SHOC1: variants seen among roughly 807,000 people sequenced by gnomAD.
SHOC1 encodes the protein protein shortage in chiasmata 1 ortholog.
SHOC1 carries 136 observed loss-of-function variants against 179.2 expected under a neutral mutation model. The ratio of observed to expected loss-of-function variants is 0.76; its 90% confidence interval spans 0.66 to 0.87. The LOEUF (loss-of-function observed/expected upper bound fraction) is 0.87, where lower values mean the gene tolerates loss of function less well. Ranked by LOEUF, SHOC1 falls within the 40% of genes least tolerant of loss-of-function variation. The pLI, the probability that SHOC1 is intolerant of heterozygous loss-of-function variation, is 0.00. For synonymous variants in SHOC1, 489 were observed against 586.6 expected (o/e 0.83, Z 2.41); for missense variants, 1,538 against 1,700.8 (o/e 0.90, Z 1.68).
chr9:111,777,908 A>C (rs1032390585), intron 4 of SHOC1, among the ~76,000 whole-genome samples: 2 of 152,220 alleles, frequency 1.3e-5, no homozygotes, highest in African/African-American at 2.4e-5. Flanking sequence ...ACAAAGTAGA[A>C]GAAAAAATAT....
intron 3 of SHOC1, 162 bp from the exon 4 acceptor site, chr9:111,781,179 C>A (rs575449903): frequency 1.7e-6 from 1 of 598,702 alleles, no homozygotes; most frequent in Non-Finnish European, 3.0e-6. Flanking sequence ...TAGTCATCCT[C>A]ATTATCATCA....
intron 17 of SHOC1, among the ~76,000 whole-genome samples, chr9:111,714,031 T>C (rs1832672187): frequency 6.6e-6 from 1 of 152,158 alleles, no homozygotes; most frequent in Non-Finnish European, 1.5e-5. Flanking sequence ...TTTATTTATT[T>C]AGAGACAGGG....
chr9:111,753,368 A>C (rs1834693638), intron 8 of SHOC1, among the ~76,000 whole-genome samples: 1 of 152,232 alleles, frequency 6.6e-6, no homozygotes, highest in South Asian at 2.1e-4. Context: ...ATAAAACTAC[A>C]GACCAATATT....
chr9:111,732,159 G>A (rs1302088546), intron 12 of SHOC1, among the ~76,000 whole-genome samples: 1 of 152,178 alleles, frequency 6.6e-6, no homozygotes. Flanking sequence ...TGTTAGCAAG[G>A]ATATGGGGTA....
rs766485682 is a variant in SHOC1 at position 111,692,222 on chromosome 9, G to A, written c.3755C>T (p.Thr1252Ile). The A allele has an allele frequency of 6.4e-5, 104 of 1,613,280 alleles. No individual in the cohort carries two copies. Among genetic ancestry groups the A allele is most frequent in the Middle Eastern group, 1.6e-4 (1 of 6,076 alleles). Residue 1252 changes from threonine (T) to isoleucine (I), a missense_variant, in exon 27 of 28, where the codon ACC becomes ATC. Coordinates refer to ENST00000682961, the MANE Select transcript of SHOC1 (RefSeq NM_001378211.1). ...FLPPVTSYNQ[T>I]SYWKDSSCKS... ...ACAGCTGGAGTCTTTCCAGTAGCTG[G>A]TCTGATTGTATGAAGTCACAGGTGG... is the stretch of plus-strand genomic sequence containing the variant.
In SHOC1 at chr9:111,727,643, A is replaced by G. The variant is rs1397506087; in HGVS notation, c.1824T>C (p.Asp608=). 3 of 1,570,808 alleles carry G rather than the reference A, an allele frequency of 1.9e-6. No individual in the cohort carries two copies. Among genetic ancestry groups the G allele is most frequent in the Non-Finnish European group, 2.6e-6 (3 of 1,162,820 alleles). The part of the protein sequence containing the change: ...CTSKTEVTNS[D]EKHDKEACSL... Reference sequence around the variant, plus strand: ...TATTAAATTACTTACCATGTTTTTCATCACTGTTTGTGACTTCAGTCTTTG... The same window carrying G: ...TATTAAATTACTTACCATGTTTTTCGTCACTGTTTGTGACTTCAGTCTTTG... Residue 608 remains aspartate, a synonymous_variant, in exon 13 of 28, where the codon GAT becomes GAC. Coordinates refer to ENST00000682961, the MANE Select transcript of SHOC1 (RefSeq NM_001378211.1).
intron 27 of SHOC1, 72 bp from the exon 28 acceptor site, chr9:111,686,942 T>A: frequency 3.7e-6 from 3 of 805,006 alleles, no homozygotes; most frequent in Non-Finnish European, 5.5e-6. Flanking sequence ...TCTTTTCCTT[T>A]TTTTTTTTTT....
intron 14 of SHOC1, among the ~76,000 whole-genome samples, chr9:111,723,278 A>G (rs1207797144): frequency 6.6e-6 from 1 of 152,210 alleles, no homozygotes; most frequent in Non-Finnish European, 1.5e-5. Context: ...CTAGAGACCA[A>G]AAGAATGAAA....
intron 5 of SHOC1, among the ~76,000 whole-genome samples, chr9:111,763,373 G>A (rs1218799878): frequency 2.6e-5 from 4 of 151,962 alleles, no homozygotes; most frequent in African/African-American, 4.8e-5. Context: ...CAAAGCACAC[G>A]CCATTGTGAA....
intron 16 of SHOC1, 24 bp downstream of exon 16, chr9:111,718,160 G>A: frequency 1.4e-6 from 2 of 1,464,948 alleles, no homozygotes; most frequent in Non-Finnish European, 1.9e-6. Context: ...GAAGAAAAGA[G>A]GAAATAAAAT....
chr9:111,691,612 A>G lies in SHOC1; in HGVS notation c.4365T>C (p.Ser1455=), dbSNP rs1831424607. The change falls in exon 27 of 28, where the codon AGT becomes AGC. Residue 1455 remains serine (S), a synonymous_variant. Coordinates refer to ENST00000682961, the MANE Select transcript of SHOC1 (RefSeq NM_001378211.1). ...SLYFYQRAGK[S]LGQKRHHESS... ...ATTCATGGTGCCTTTTCTGTCCTAA[A>G]CTTTTTCCAGCTCTTTGGTAGAAAT... 1 of 1,613,724 alleles carries G rather than the reference A, an allele frequency of 6.2e-7. No homozygotes were observed. Among genetic ancestry groups the G allele is most frequent in the African/African-American group, 1.3e-5 (1 of 74,890 alleles).
chr9:111,686,942 T>C, intron 27 of SHOC1, 72 bp from the exon 28 acceptor site: 2 of 805,016 alleles, frequency 2.5e-6, no homozygotes. Context: ...TCTTTTCCTT[T>C]TTTTTTTTTT....
chr9:111,700,620 G>A (rs760252412), intron 23 of SHOC1, among the ~76,000 whole-genome samples: 8 of 152,156 alleles, frequency 5.3e-5, no homozygotes, highest in Non-Finnish European at 8.8e-5. Context: ...GGAAGCCATT[G>A]TTGGATTCTG....
At chr9:111,743,659 C>G (rs558252389) in intron 10 of SHOC1, among the ~76,000 whole-genome samples, 10 of 152,140 alleles carry the variant, frequency 6.6e-5, no homozygotes, top group Non-Finnish European at 1.5e-4. Context: ...TACTATTTTA[C>G]TATAGTTATT....
intron 3 of SHOC1, among the ~76,000 whole-genome samples, chr9:111,781,746 A>AATTAATTAATTAATT (rs1564168991): frequency 2.9e-5 from 3 of 103,770 alleles, no homozygotes; most frequent in African/African-American, 1.0e-4. Context: ...ATAAATAAAT[A>AATTAATTAATTAATT]AATAAATTTG....
At chr9:111,780,321 C>T (rs1304207770) in intron 4 of SHOC1, among the ~76,000 whole-genome samples, 1 of 152,180 alleles carries the variant, frequency 6.6e-6, no homozygotes, top group Admixed American at 6.5e-5. Context: ...AGTGAAGCAA[C>T]AGAGTAAATT....
At position 111,775,971 on chromosome 9, in the gene SHOC1, T is replaced by A; in HGVS notation, c.262A>T (p.Thr88Ser). 6.2e-7 allele frequency: 1 copy of A among 1,611,460 alleles called. No homozygotes were observed. The highest frequency in any genetic ancestry group is 8.5e-7 in the Non-Finnish European group (1 of 1,178,618). ...FFVEDFLEKK[T>S]ITRMVTQINC... ...ATCTGGGTCACCATTCTTGTAATTGTTTTTCTGTGACAATATAAAATTACT... is the reference window on the plus strand; with the variant it reads ...ATCTGGGTCACCATTCTTGTAATTGATTTTCTGTGACAATATAAAATTACT... Residue 88 changes from threonine (T) to serine (S), a missense_variant, in exon 5 of 28, where the codon ACA becomes TCA. Coordinates refer to ENST00000682961, the MANE Select transcript of SHOC1 (RefSeq NM_001378211.1).
Position 111,785,029 on chromosome 9 carries a change from G to A in SHOC1, c.169+883C>T, listed in dbSNP as rs77150203. Among the ~76,000 whole-genome samples the A allele has an allele frequency of 7.9e-3, 1,197 of 152,156 alleles. 16 individuals are homozygous for A. Among genetic ancestry groups the A allele is most frequent in the African/African-American group, 0.025 (1,050 of 41,480 alleles). The stretch of plus-strand genomic sequence containing the variant: ...TGTTATGGCCTACAAAGCCTTATTC[G>A]GAAATTGCCTACTTCTCAGTCCCTT... On this transcript the variant is annotated intron_variant, in intron 3 of 27. Transcript: ENST00000682961.
In SHOC1 at chr9:111,691,869, G is replaced by T; in HGVS notation, c.4108C>A (p.His1370Asn). Residue 1370 changes from histidine to asparagine, a missense_variant, in exon 27 of 28, where the codon CAC becomes AAC. Coordinates refer to ENST00000682961, the MANE Select transcript of SHOC1 (RefSeq NM_001378211.1). ...FKKNIWEQEN[H>N]PFNLQYGAQQ... ...GCACCATATTGTAAGTTGAACGGGT[G>T]ATTCTCTTGTTCCCATATATTTTTC... 1 of 1,613,758 alleles carries T rather than the reference G, an allele frequency of 6.2e-7. No homozygotes were observed. The highest frequency in any genetic ancestry group is 8.5e-7 in the Non-Finnish European group (1 of 1,179,914).
Sources: allele counts gnomAD v4.1 joint callset (sites outside exome capture counted in the v4.1 genomes callset), GRCh38; gene constraint gnomAD v4.1.1; transcripts MANE v1.5; gene names NCBI Gene and HGNC (gene_info 2026-07-23, HGNC 2026-07-21).